The following TMTC2 variants were observed in gnomAD, a reference collection of about 807,000 sequenced individuals.
TMTC2 encodes transmembrane O-mannosyltransferase targeting cadherins 2.
Under a neutral mutation model 82.4 loss-of-function variants are expected in TMTC2, and 43 were observed. The observed-to-expected ratio is 0.52, with a 90% CI of 0.41 to 0.67. The LOEUF (loss-of-function observed/expected upper bound fraction) is 0.67. TMTC2 is among the 30% of genes least tolerant of loss of function. The probability of loss-of-function intolerance (pLI) is 0.00; values close to 1 mark genes in which losing one functional copy is unlikely to be tolerated. For missense variants in TMTC2, 919 were observed against 1,012.4 expected (o/e 0.91, Z 1.25); for synonymous variants, 408 against 381.9 (o/e 1.07, Z -0.80).
intron 4 of TMTC2, among the ~76,000 whole-genome samples, chr12:82,939,891 C>G (rs1876609689): frequency 6.6e-6 from 1 of 151,918 alleles, no homozygotes; most frequent in African/African-American, 2.4e-5. Context: ...CTTAAGTTAA[C>G]TGGAAGTCCA....
At chr12:82,794,956 C>T (rs995855042) in intron 1 of TMTC2, among the ~76,000 whole-genome samples, 1 of 152,072 alleles carries the variant, frequency 6.6e-6, no homozygotes, top group African/African-American at 2.4e-5. Flanking sequence ...GGCCGGGATT[C>T]TAAGAGAGGT....
At chr12:83,035,081 G>A (rs886951757) in intron 9 of TMTC2, among the ~76,000 whole-genome samples, 2 of 152,134 alleles carry the variant, frequency 1.3e-5, no homozygotes, top group African/African-American at 4.8e-5. Flanking sequence ...TTTTGTATGG[G>A]AAATCCACTC....
chr12:82,966,606 G>GTA (rs530346662), intron 6 of TMTC2, among the ~76,000 whole-genome samples: 13 of 151,940 alleles, frequency 8.6e-5, no homozygotes, highest in East Asian at 5.8e-4. Flanking sequence ...TTTCAAATAT[G>GTA]TATATATATA....
chr12:82,935,672 A>G (rs576247784), intron 4 of TMTC2, among the ~76,000 whole-genome samples: 1 of 152,276 alleles, frequency 6.6e-6, no homozygotes, highest in South Asian at 2.1e-4. Flanking sequence ...TAAAAAGGTA[A>G]TTCAATAGAG....
chr12:82,834,909 G>T, intron 1 of TMTC2, among the ~76,000 whole-genome samples: 2 of 149,570 alleles, frequency 1.3e-5, no homozygotes, highest in African/African-American at 5.0e-5. Flanking sequence ...ATGCAATCTT[G>T]CCCTGTCGCC....
intron 1 of TMTC2, among the ~76,000 whole-genome samples, chr12:82,702,057 C>T (rs1873110562): frequency 6.6e-6 from 1 of 152,136 alleles, no homozygotes; most frequent in Admixed American, 6.5e-5. Context: ...TAGATTAAAA[C>T]AGGTCACAGT....
At chr12:82,945,137 C>T (rs1175266829) in intron 4 of TMTC2, among the ~76,000 whole-genome samples, 1 of 152,130 alleles carries the variant, frequency 6.6e-6, no homozygotes, top group Non-Finnish European at 1.5e-5. Context: ...CCTTGCACTC[C>T]CCACTCTACC....
At chr12:82,703,672 C>T (rs947323686) in intron 1 of TMTC2, among the ~76,000 whole-genome samples, 32 of 151,852 alleles carry the variant, frequency 2.1e-4, no homozygotes, top group African/African-American at 6.8e-4. Flanking sequence ...CTAATTTTTT[C>T]TATTTTTTGG....
chr12:82,921,463 TA>T (rs1233457945), intron 3 of TMTC2, among the ~76,000 whole-genome samples: 1 of 152,156 alleles, frequency 6.6e-6, no homozygotes, highest in African/African-American at 2.4e-5. Context: ...TTATTGTTGT[TA>T]TTTTTATTAT....
At chr12:82,946,995 G>C (rs985123220) in intron 4 of TMTC2, among the ~76,000 whole-genome samples, 1 of 151,878 alleles carries the variant, frequency 6.6e-6, no homozygotes, top group African/African-American at 2.4e-5. Flanking sequence ...GCCCTCCTCG[G>C]CCTCCCAAAG....
At chr12:82,854,439 G>T (rs188968454) in intron 1 of TMTC2, among the ~76,000 whole-genome samples, 1 of 152,188 alleles carries the variant, frequency 6.6e-6, no homozygotes, top group African/African-American at 2.4e-5. Context: ...CATTACATAT[G>T]TGCTCCACTC....
At chr12:82,827,339 C>G (rs141007665) in intron 1 of TMTC2, among the ~76,000 whole-genome samples, 192 of 152,236 alleles carry the variant, frequency 1.3e-3, no homozygotes, top group African/African-American at 4.5e-3. Flanking sequence ...CCTTGACAAG[C>G]AGTTGAGGAA....
intron 1 of TMTC2, among the ~76,000 whole-genome samples, chr12:82,856,261 C>A (rs1871254723): frequency 6.6e-6 from 1 of 152,182 alleles, no homozygotes; most frequent in Non-Finnish European, 1.5e-5. Flanking sequence ...ATCAGTGAAG[C>A]ACCATGAAGA....
chr12:83,043,789 G>A (rs1174379346), intron 9 of TMTC2, among the ~76,000 whole-genome samples: 2 of 152,052 alleles, frequency 1.3e-5, no homozygotes, highest in African/African-American at 4.8e-5. Context: ...ATTAATTTGG[G>A]GGGTATATTA....
intron 1 of TMTC2, among the ~76,000 whole-genome samples, chr12:82,791,671 A>G (rs1489659926): frequency 6.6e-6 from 1 of 152,210 alleles, no homozygotes; most frequent in Middle Eastern, 3.2e-3. Context: ...CCTAAGTTAT[A>G]GTCACTGAAC....
intron 1 of TMTC2, among the ~76,000 whole-genome samples, chr12:82,731,810 T>C (rs1342161440): frequency 6.6e-6 from 1 of 152,222 alleles, no homozygotes; most frequent in Non-Finnish European, 1.5e-5. Context: ...GAATGGTTTG[T>C]GTGATAAATG....
At chr12:83,036,460 G>A (rs1383820317) in intron 9 of TMTC2, among the ~76,000 whole-genome samples, 1 of 138,478 alleles carries the variant, frequency 7.2e-6, no homozygotes. Context: ...TCTATCTTAT[G>A]TTTTCTTGTC....
Position 83,132,255 on chromosome 12 carries a change from G to T in TMTC2, c.2377G>T (p.Gly793Cys). 6.2e-7 allele frequency: 1 copy of T among 1,613,754 alleles called. No individual in the cohort carries two copies. The highest frequency in any genetic ancestry group is 8.5e-7 in the Non-Finnish European group (1 of 1,179,882). Residue 793 changes from glycine to cysteine, a missense_variant, in exon 12 of 12, where the codon GGC becomes TGC. Gly to Cys is a radical substitution (Grantham distance 159). Transcript: ENST00000321196. ...MNLGAILHLN[G>C]RLQKAEANYL... ...CCTGGGAGCCATTCTGCACCTCAAT[G>T]GCAGACTCCAGAAGGCCGAGGCCAA... is the stretch of plus-strand genomic sequence containing the variant.
chr12:82,857,700 T>C, intron 2 of TMTC2, 120 bp downstream of exon 2: 2 of 914,062 alleles, frequency 2.2e-6, no homozygotes, highest in Non-Finnish European at 3.2e-6. Context: ...AAGTTCCTTT[T>C]TGATCTTCAG....
Sources: allele counts gnomAD v4.1 joint callset (sites outside exome capture counted in the v4.1 genomes callset), GRCh38; gene constraint gnomAD v4.1.1; transcripts MANE v1.5; gene names NCBI Gene and HGNC (gene_info 2026-07-23, HGNC 2026-07-21).